FRMPD4: variants seen among roughly 807,000 people sequenced by gnomAD.
FRMPD4 encodes FERM and PDZ domain containing 4.
In FRMPD4, 22 loss-of-function variants were observed where a neutral mutation model predicts 94.1. The observed-to-expected ratio is 0.23, with a 90% CI of 0.17 to 0.33. FRMPD4 has a LOEUF of 0.33. Among genes scored for constraint, FRMPD4 ranks in the 10% least tolerant of loss-of-function variants. The probability of loss-of-function intolerance (pLI) is 1.00; values close to 1 mark genes in which losing one functional copy is unlikely to be tolerated. For missense variants in FRMPD4, 1,111 were observed against 1,339.9 expected, an observed-to-expected ratio of 0.83 and a Z score of 2.67; for synonymous variants, 631 against 548.6, an observed-to-expected ratio of 1.15 and a Z score of -2.10.
chrX:11,949,996 G>A (rs1164927909), intron 3 of FRMPD4, among the ~76,000 whole-genome samples: 2 of 111,958 alleles, frequency 1.8e-5, no homozygotes, highest in Non-Finnish European at 1.9e-5. Flanking sequence ...ATGTAATATG[G>A]TTTGGTTCTG....
At chrX:12,690,055 A>G in intron 7 of FRMPD4, 140 bp from the exon 8 acceptor site, 1 of 441,280 alleles carries the variant, frequency 2.3e-6, no homozygotes, top group Non-Finnish European at 3.9e-6. Context: ...GGATATTTGG[A>G]GCATTAAATT....
chrX:12,599,891 ATATAT>A (rs970831581), intron 2 of FRMPD4, among the ~76,000 whole-genome samples: 1 of 107,717 alleles, frequency 9.3e-6, no homozygotes, highest in Non-Finnish European at 1.9e-5. Flanking sequence ...ACTGTAAATA[ATATAT>A]TATGGAGAAT....
chrX:12,280,241 G>T (rs2054502350), intron 1 of FRMPD4, among the ~76,000 whole-genome samples: 1 of 84,462 alleles, frequency 1.2e-5, no homozygotes, highest in Non-Finnish European at 2.3e-5. Context: ...TAGTAAGGCT[G>T]CTTTAAAATA....
chrX:12,210,724 C>G (rs1476677930), intron 1 of FRMPD4, among the ~76,000 whole-genome samples: 1 of 110,058 alleles, frequency 9.1e-6, no homozygotes, highest in African/African-American at 3.3e-5. Context: ...CCCCGCCTCC[C>G]CCACCGACAA....
chrX:12,695,640 T>A lies in FRMPD4; in HGVS notation c.933+1186T>A, dbSNP rs1190502363. Among the ~76,000 whole-genome samples the A allele has an allele frequency of 2.7e-5, 3 of 111,928 alleles. No homozygotes were observed. The East Asian group carries it at 8.4e-4, about 31-fold the overall frequency. ...GGCTGGTCTCAAACTCCTGACTTCATGATCCACGCACCTTGGCCTCCCAAA... is the reference window on the plus strand; with the variant it reads ...GGCTGGTCTCAAACTCCTGACTTCAAGATCCACGCACCTTGGCCTCCCAAA... On this transcript the variant is annotated intron_variant, in intron 9 of 16. Coordinates refer to ENST00000675598, the MANE Select transcript of FRMPD4 (RefSeq NM_001368397.1).
chrX:12,617,827 TG>T (rs760324621), intron 4 of FRMPD4, among the ~76,000 whole-genome samples: 1 of 111,680 alleles, frequency 9.0e-6, no homozygotes, highest in African/African-American at 3.3e-5. Context: ...GATCATTTTT[TG>T]TTCCCAGATC....
chrX:12,194,210 CTCATT>C (rs1423603082), intron 1 of FRMPD4, among the ~76,000 whole-genome samples: 1 of 111,230 alleles, frequency 9.0e-6, no homozygotes, highest in African/African-American at 3.3e-5. Context: ...TGGAACACTA[CTCATT>C]TCATCAATGA....
rs778654461 is a variant in FRMPD4 at position 12,106,047 on chromosome X, A to G, written c.95+228029A>G. On this transcript the variant is annotated intron_variant, in intron 3 of 18. Coordinates refer to the FRMPD4 transcript ENST00000640291. The stretch of plus-strand genomic sequence containing the variant: ...CAATGAAACCTTCACCACCACTACT[A>G]CTTTTCCTTGGGCATGTCCAGGCTC... 4.5e-5 allele frequency among the ~76,000 whole-genome samples: 5 copies of G among 111,775 alleles called. No homozygotes were observed. In the East Asian group the frequency reaches 1.4e-3, roughly 32 times the overall value.
intron 3 of FRMPD4, among the ~76,000 whole-genome samples, chrX:12,104,999 G>C (rs1286349091): frequency 2.7e-5 from 3 of 111,281 alleles, no homozygotes; most frequent in African/African-American, 9.8e-5. Flanking sequence ...TAAAATCCTA[G>C]CTGCACATTA....
chrX:12,640,829 T>C (rs978658645), intron 4 of FRMPD4, among the ~76,000 whole-genome samples: 2 of 111,812 alleles, frequency 1.8e-5, no homozygotes, highest in African/African-American at 6.5e-5. Context: ...GCTGGGTTTG[T>C]TTACCAATAA....
At chrX:12,709,956 C>T (rs766696377) in intron 13 of FRMPD4, among the ~76,000 whole-genome samples, 1 of 110,394 alleles carries the variant, frequency 9.1e-6, no homozygotes, top group Non-Finnish European at 1.9e-5. Flanking sequence ...GGTGAAGCCC[C>T]GTCTCTACTA....
intron 1 of FRMPD4, among the ~76,000 whole-genome samples, chrX:12,451,733 C>T (rs866353680): frequency 3.0e-5 from 3 of 98,808 alleles, no homozygotes; most frequent in African/African-American, 1.1e-4. Flanking sequence ...TGTGTATGCC[C>T]GTGTGTGTGT....
intron 3 of FRMPD4, among the ~76,000 whole-genome samples, chrX:11,886,730 G>A (rs889348529): frequency 7.2e-5 from 7 of 97,280 alleles, no homozygotes; most frequent in East Asian, 4.9e-4. Flanking sequence ...TCCAGTAATC[G>A]TGACTTTTTT....
intron 1 of FRMPD4, among the ~76,000 whole-genome samples, chrX:12,143,715 TGCGGGCACACAC>T (rs1162111093): frequency 8.9e-6 from 1 of 112,226 alleles, no homozygotes; most frequent in East Asian, 2.8e-4. Context: ...TCAGCACACA[TGCGGGCACACAC>T]GTCAAATTGA....
At chrX:12,191,573 A>G (rs2056492598) in intron 1 of FRMPD4, among the ~76,000 whole-genome samples, 1 of 112,206 alleles carries the variant, frequency 8.9e-6, no homozygotes, top group African/African-American at 3.2e-5. Flanking sequence ...AAAGGAAATG[A>G]GCTGTCAAAC....
intron 1 of FRMPD4, among the ~76,000 whole-genome samples, chrX:12,384,789 G>A (rs1458229425): frequency 8.9e-6 from 1 of 112,227 alleles, no homozygotes; most frequent in Non-Finnish European, 1.9e-5. Context: ...AAATAAGTAG[G>A]TATGTTTGCC....
chrX:12,508,122 A>G (rs2058004784), intron 2 of FRMPD4, among the ~76,000 whole-genome samples: 2 of 112,476 alleles, frequency 1.8e-5, no homozygotes, highest in Admixed American at 9.4e-5. Flanking sequence ...TTTTGGAAAA[A>G]TGTTGCTTAT....
intron 3 of FRMPD4, among the ~76,000 whole-genome samples, chrX:11,924,681 T>G (rs1045259969): frequency 8.9e-6 from 1 of 111,909 alleles, no homozygotes; most frequent in African/African-American, 3.3e-5. Context: ...GAAGGAGGAA[T>G]AAGATCCTTT....
intron 1 of FRMPD4, among the ~76,000 whole-genome samples, chrX:12,259,179 T>G (rs2054157396): frequency 8.9e-6 from 1 of 112,012 alleles, no homozygotes; most frequent in Admixed American, 9.5e-5. Flanking sequence ...TCTTTCCATC[T>G]TGGAGTCCTG....
Sources: gnomAD v4.1 joint callset for allele counts (sites outside exome capture counted in the v4.1 genomes callset) on GRCh38, gnomAD v4.1.1 for gene constraint, MANE v1.5 for transcripts, NCBI Gene and HGNC (gene_info 2026-07-23, HGNC 2026-07-21) for gene names.